Variants in SHANK2 observed in about 807,000 individuals in gnomAD.
SHANK2 encodes SH3 and multiple ankyrin repeat domains protein 2.
SHANK2 carries 43 observed loss-of-function variants against 133.7 expected under a neutral mutation model. That is an observed-to-expected ratio of 0.32 (90% CI 0.25 to 0.41). The LOEUF (loss-of-function observed/expected upper bound fraction) is 0.41. Ranked by LOEUF, SHANK2 falls within the 10% of genes least tolerant of loss-of-function variation. SHANK2 has a pLI of 1.00. For missense variants in SHANK2, 1,994 were observed against 2,235.8 expected (o/e 0.89, Z 2.18); for synonymous variants, 1,017 against 952.8 (o/e 1.07, Z -1.24).
At chr11:70,728,214 C>T (rs1946213673) in intron 14 of SHANK2, among the ~76,000 whole-genome samples, 1 of 152,222 alleles carries the variant, frequency 6.6e-6, no homozygotes, top group African/African-American at 2.4e-5. Flanking sequence ...GGGAAAAGTA[C>T]TCCCCAGTTG....
At chr11:70,703,678 G>A (rs1945593582) in intron 14 of SHANK2, among the ~76,000 whole-genome samples, 1 of 152,220 alleles carries the variant, frequency 6.6e-6, no homozygotes, top group Admixed American at 6.5e-5. Flanking sequence ...GGCCACACCA[G>A]CCTCCCTGTG....
intron 14 of SHANK2, among the ~76,000 whole-genome samples, chr11:70,793,205 T>C (rs1555048444): frequency 6.6e-6 from 1 of 152,262 alleles, no homozygotes; most frequent in African/African-American, 2.4e-5. Context: ...TCAACTTACA[T>C]GTGGATTTTT....
At chr11:70,548,704 T>C (rs1247485828) in intron 17 of SHANK2, among the ~76,000 whole-genome samples, 2 of 152,194 alleles carry the variant, frequency 1.3e-5, no homozygotes, top group African/African-American at 2.4e-5. Context: ...CCCAAACCTA[T>C]GTCCATGTCC....
At chr11:70,888,253 C>A (rs1444228242) in intron 11 of SHANK2, among the ~76,000 whole-genome samples, 1 of 151,976 alleles carries the variant, frequency 6.6e-6, no homozygotes, top group Non-Finnish European at 1.5e-5. Flanking sequence ...AATCAGGAAG[C>A]CACATGGCCA....
At position 70,488,127 on chromosome 11, in the gene SHANK2, T is replaced by A. The variant is rs895080790; in HGVS notation, c.2573-407A>T. Reference sequence around the variant, plus strand: ...TGTGCTTGTGCTGGCATTGTGGCATTGTGCTTGGGGCGGGGTTGGCTAGAC... The same window carrying A: ...TGTGCTTGTGCTGGCATTGTGGCATAGTGCTTGGGGCGGGGTTGGCTAGAC... On this transcript the variant is annotated intron_variant, in intron 24 of 25. Coordinates refer to ENST00000601538, the MANE Select transcript of SHANK2 (RefSeq NM_012309.5). 7.2e-5 allele frequency among the ~76,000 whole-genome samples: 11 copies of A among 152,284 alleles called. No individual in the cohort carries two copies. In the South Asian group the frequency reaches 2.3e-3, roughly 32 times the overall value.
At chr11:70,670,982 G>A (rs982541035) in intron 15 of SHANK2, among the ~76,000 whole-genome samples, 11 of 152,178 alleles carry the variant, frequency 7.2e-5, no homozygotes, top group Non-Finnish European at 1.3e-4. Context: ...TTCTCAAATC[G>A]GCAATTATGA....
At chr11:71,218,608 G>GT (rs1565522263) in intron 2 of SHANK2, among the ~76,000 whole-genome samples, 6 of 152,040 alleles carry the variant, frequency 3.9e-5, no homozygotes, top group Non-Finnish European at 8.8e-5. Context: ...GATGAGCAGC[G>GT]TGAGGGCAGG....
chr11:70,761,825 C>G (rs1947003550), intron 14 of SHANK2, among the ~76,000 whole-genome samples: 1 of 152,216 alleles, frequency 6.6e-6, no homozygotes, highest in Non-Finnish European at 1.5e-5. Context: ...GTGCAGATAC[C>G]CCCAAACCTG....
At chr11:71,092,271 A>T in intron 8 of SHANK2, 151 bp downstream of exon 8, 1 of 733,774 alleles carries the variant, frequency 1.4e-6, no homozygotes, top group East Asian at 2.7e-5. Flanking sequence ...AATCATTTTT[A>T]ATTCACATAT....
At chr11:70,908,431 A>G (rs569044262) in intron 10 of SHANK2, among the ~76,000 whole-genome samples, 1 of 152,176 alleles carries the variant, frequency 6.6e-6, no homozygotes, top group Non-Finnish European at 1.5e-5. Context: ...TCAAGCTGCC[A>G]AGGAGGGAAA....
chr11:71,199,558 C>A (rs1953977843), intron 2 of SHANK2, among the ~76,000 whole-genome samples: 1 of 152,220 alleles, frequency 6.6e-6, no homozygotes, highest in African/African-American at 2.4e-5. Flanking sequence ...AAAGCCTTCG[C>A]TAAAACGTGC....
rs192770558 is a variant in SHANK2 at position 71,214,919 on chromosome 11, T to A, written c.-13+9778A>T. ...TCCAGGTATTGAAGGCCACCAAGCA[T>A]CCCGCCTTCCACACATCCTCCTCTC... is the stretch of plus-strand genomic sequence containing the variant. On this transcript the variant is annotated intron_variant, in intron 2 of 25. Coordinates refer to ENST00000601538, the MANE Select transcript of SHANK2 (RefSeq NM_012309.5). Among the ~76,000 whole-genome samples the A allele has an allele frequency of 3.5e-3, 527 of 152,264 alleles. 2 individuals carry two copies. The highest frequency in any genetic ancestry group is 0.012 in the African/African-American group (502 of 41,550).
chr11:71,205,048 G>A (rs1954101957), intron 2 of SHANK2, among the ~76,000 whole-genome samples: 1 of 152,088 alleles, frequency 6.6e-6, no homozygotes, highest in African/African-American at 2.4e-5. Context: ...AGCCCCAGCA[G>A]GGTGCCCCAG....
chr11:71,055,790 G>A (rs1950911317), intron 10 of SHANK2, among the ~76,000 whole-genome samples: 2 of 142,744 alleles, frequency 1.4e-5, no homozygotes, highest in African/African-American at 5.3e-5. Context: ...GGAGGGGGAG[G>A]GGGAGTGGGG....
chr11:70,524,133 G>T (rs1423123139), intron 17 of SHANK2, among the ~76,000 whole-genome samples: 1 of 152,184 alleles, frequency 6.6e-6, no homozygotes, highest in Non-Finnish European at 1.5e-5. Context: ...ACCAGGTGGC[G>T]ACGGGATCCC....
At position 70,942,358 on chromosome 11, in the gene SHANK2, G is replaced by A. The variant is rs76581750; in HGVS notation, c.1108-45791C>T. 5.5e-3 allele frequency among the ~76,000 whole-genome samples: 837 copies of A among 152,170 alleles called. 6 individuals are homozygous for A. The highest frequency in any genetic ancestry group is 0.019 in the African/African-American group (797 of 41,490). ...ATGCAAGGAGGAACCACACCTGAGGGGTGTCCTGGCTTTATAACAAGCCAT... is the reference window on the plus strand; with the variant it reads ...ATGCAAGGAGGAACCACACCTGAGGAGTGTCCTGGCTTTATAACAAGCCAT... On this transcript the variant is annotated intron_variant, in intron 10 of 25. Transcript: ENST00000601538.
chr11:70,561,456 G>A (rs992413858), intron 17 of SHANK2, among the ~76,000 whole-genome samples: 22 of 151,984 alleles, frequency 1.4e-4, no homozygotes, highest in Non-Finnish European at 5.9e-5. Context: ...CCAACTTTTG[G>A]TTGCTCCATT....
chr11:70,564,458 CCG>C (rs1484652964), intron 17 of SHANK2, among the ~76,000 whole-genome samples: 1 of 152,060 alleles, frequency 6.6e-6, no homozygotes, highest in Non-Finnish European at 1.5e-5. Flanking sequence ...TGGGGTTTCA[CCG>C]TGTTGGCCAG....
intron 4 of SHANK2, among the ~76,000 whole-genome samples, chr11:71,116,119 G>T (rs1590927740): frequency 6.6e-6 from 1 of 152,284 alleles, no homozygotes; most frequent in South Asian, 2.1e-4. Context: ...TGTCACAACG[G>T]AACTGAGAAA....
Sources: gnomAD v4.1 joint callset for allele counts (sites outside exome capture counted in the v4.1 genomes callset) on GRCh38, gnomAD v4.1.1 for gene constraint, MANE v1.5 for transcripts, NCBI Gene and HGNC (gene_info 2026-07-23, HGNC 2026-07-21) for gene names.